Variants in GALNT11 observed in about 807,000 individuals in gnomAD.
GALNT11 encodes the protein UDP-GalNAc:polypeptide N-acetylgalactosaminyltransferase 11.
A neutral mutation model predicts 72.7 loss-of-function variants in GALNT11; 47 were observed. The ratio of observed to expected loss-of-function variants is 0.65; its 90% CI spans 0.51 to 0.82. The LOEUF (loss-of-function observed/expected upper bound fraction) is 0.82. Ranked by LOEUF, GALNT11 falls within the 40% of genes least tolerant of loss-of-function variation. The pLI is 0.00. For synonymous variants in GALNT11, 270 were observed against 286.6 expected (o/e 0.94, Z 0.58); for missense variants, 677 against 778.4 (o/e 0.87, Z 1.55).
chr7:152,047,389 G>A (rs2083182366), intron 1 of GALNT11, among the ~76,000 whole-genome samples: 1 of 152,004 alleles, frequency 6.6e-6, no homozygotes, highest in African/African-American at 2.4e-5. Flanking sequence ...ACTTGAACCT[G>A]GGAAGCGGAG....
intron 1 of GALNT11, among the ~76,000 whole-genome samples, chr7:152,083,063 C>G (rs1002546423): frequency 6.6e-6 from 1 of 152,120 alleles, no homozygotes; most frequent in Admixed American, 6.5e-5. Flanking sequence ...AATAGAAAAC[C>G]AACACTGAGA....
chr7:152,062,963 G>A (rs752115663), intron 1 of GALNT11, among the ~76,000 whole-genome samples: 103 of 152,176 alleles, frequency 6.8e-4, no homozygotes, highest in Non-Finnish European at 1.3e-3. Flanking sequence ...TTGGTATCAG[G>A]ATGATGCTGG....
chr7:152,065,890 G>A (rs891412348), intron 1 of GALNT11, among the ~76,000 whole-genome samples: 1 of 152,160 alleles, frequency 6.6e-6, no homozygotes, highest in Non-Finnish European at 1.5e-5. Flanking sequence ...TGGGGGTCAG[G>A]GACTCACTTG....
chr7:152,070,211 T>A (rs888352486), intron 1 of GALNT11, among the ~76,000 whole-genome samples: 1 of 152,150 alleles, frequency 6.6e-6, no homozygotes, highest in Admixed American at 6.5e-5. Context: ...TTAGCCAGGA[T>A]GGTCTCGATC....
chr7:152,051,281 T>A (rs1333395108), intron 1 of GALNT11, among the ~76,000 whole-genome samples: 1 of 149,870 alleles, frequency 6.7e-6, no homozygotes, highest in African/African-American at 2.5e-5. Flanking sequence ...TTGGTTGATA[T>A]GCCTCTTAAG....
intron 1 of GALNT11, among the ~76,000 whole-genome samples, chr7:152,073,690 T>C (rs76187803): frequency 0.029 from 4,344 of 152,314 alleles, 202 homozygotes; most frequent in African/African-American, 0.098. Flanking sequence ...TATGGTATGC[T>C]ATTTGTAGAT....
chr7:152,060,812 T>C (rs1473124129), intron 1 of GALNT11, among the ~76,000 whole-genome samples: 1 of 152,208 alleles, frequency 6.6e-6, no homozygotes, highest in East Asian at 1.9e-4. Context: ...CTCACCCTTT[T>C]CTATGGCTGT....
chr7:152,073,842 C>CT (rs2084804261), intron 1 of GALNT11, among the ~76,000 whole-genome samples: 1 of 152,214 alleles, frequency 6.6e-6, no homozygotes, highest in Admixed American at 6.5e-5. Flanking sequence ...AATAGCCACT[C>CT]TAACTGGGAT....
intron 1 of GALNT11, among the ~76,000 whole-genome samples, chr7:152,029,433 G>T (rs1471748130): frequency 6.6e-6 from 1 of 152,146 alleles, no homozygotes; most frequent in African/African-American, 2.4e-5. Context: ...GCTTTGAGGG[G>T]TACTGATAGG....
chr7:152,063,683 A>G (rs534310381), intron 1 of GALNT11, among the ~76,000 whole-genome samples: 1 of 152,278 alleles, frequency 6.6e-6, no homozygotes, highest in African/African-American at 2.4e-5. Context: ...ATTGGTTTCA[A>G]AGAACATCTT....
chr7:152,050,707 C>T (rs1426569893), intron 1 of GALNT11, among the ~76,000 whole-genome samples: 1 of 152,206 alleles, frequency 6.6e-6, no homozygotes, highest in Admixed American at 6.5e-5. Context: ...CCAGGAATTG[C>T]AGTCTTTGTG....
At chr7:152,059,226 G>T (rs192704922) in intron 1 of GALNT11, among the ~76,000 whole-genome samples, 1 of 152,050 alleles carries the variant, frequency 6.6e-6, no homozygotes, top group Non-Finnish European at 1.5e-5. Context: ...CTCCCGAGTT[G>T]TTGGGACTAC....
intron 1 of GALNT11, among the ~76,000 whole-genome samples, chr7:152,068,635 G>A (rs746135303): frequency 7.9e-5 from 12 of 151,754 alleles, no homozygotes; most frequent in Non-Finnish European, 1.8e-4. Flanking sequence ...TGCTGATATT[G>A]GTAATTTGTC....
At chr7:152,051,048 T>C (rs150571985) in intron 1 of GALNT11, among the ~76,000 whole-genome samples, 419 of 152,298 alleles carry the variant, frequency 2.8e-3, no homozygotes, top group African/African-American at 9.4e-3. Context: ...TGCAGTGATA[T>C]TATGTTAAAA....
chr7:152,068,551 C>T (rs923510510), intron 1 of GALNT11, among the ~76,000 whole-genome samples: 4 of 152,138 alleles, frequency 2.6e-5, no homozygotes, highest in Non-Finnish European at 4.4e-5. Context: ...CATTTGTGGG[C>T]ATAGAGTTAT....
intron 1 of GALNT11, among the ~76,000 whole-genome samples, chr7:152,048,264 C>T (rs1037749083): frequency 2.0e-5 from 3 of 151,810 alleles, no homozygotes; most frequent in Non-Finnish European, 4.4e-5. Context: ...AATCTGCTGC[C>T]AGACATATTG....
At chr7:152,038,136 C>T (rs758005761) in intron 1 of GALNT11, among the ~76,000 whole-genome samples, 1 of 152,086 alleles carries the variant, frequency 6.6e-6, no homozygotes, top group Non-Finnish European at 1.5e-5. Context: ...ACTGCCGAGA[C>T]CAGCTGGGTC....
At chr7:152,052,336 G>A (rs934256406) in intron 1 of GALNT11, among the ~76,000 whole-genome samples, 4 of 151,720 alleles carry the variant, frequency 2.6e-5, no homozygotes, top group African/African-American at 9.7e-5. Context: ...TATCTGACCC[G>A]TTTTCAATTC....
chr7:152,041,251 G>A (rs999550690), intron 1 of GALNT11, among the ~76,000 whole-genome samples: 13 of 151,994 alleles, frequency 8.6e-5, no homozygotes, highest in East Asian at 1.9e-4. Context: ...TTTTATTATC[G>A]GGTCTCTCCA....
Sources: gnomAD v4.1 joint callset for allele counts (sites outside exome capture counted in the v4.1 genomes callset) on GRCh38, gnomAD v4.1.1 for gene constraint, MANE v1.5 for transcripts, NCBI Gene and HGNC (gene_info 2026-07-23, HGNC 2026-07-21) for gene names.